DLG2: variants seen among roughly 807,000 people sequenced by gnomAD.
The protein encoded by DLG2 is discs large MAGUK scaffold protein 2.
DLG2 carries 45 observed loss-of-function variants against 132.5 expected under a neutral mutation model. The ratio of observed to expected loss-of-function variants is 0.34; its 90% CI spans 0.27 to 0.44. DLG2 has a LOEUF of 0.44. DLG2 is among the 20% of genes least tolerant of loss of function. The probability of loss-of-function intolerance (pLI) is 1.00; values close to 1 mark genes in which losing one functional copy is unlikely to be tolerated. For missense variants in DLG2, 1,045 were observed against 1,196.9 expected (o/e 0.87, Z 1.87); for synonymous variants, 424 against 419.6 (o/e 1.01, Z -0.13).
intron 6 of DLG2, among the ~76,000 whole-genome samples, chr11:84,583,712 T>TTTTTTCA (rs1366634154): frequency 1.3e-5 from 2 of 152,154 alleles, no homozygotes; most frequent in Non-Finnish European, 2.9e-5. Flanking sequence ...TTAGCACTCC[T>TTTTTTCA]TTTTTCATTG....
chr11:84,867,393 T>C (rs541132862), intron 6 of DLG2, among the ~76,000 whole-genome samples: 6 of 152,300 alleles, frequency 3.9e-5, no homozygotes, highest in Admixed American at 3.9e-4. Flanking sequence ...TGTTTTCGGT[T>C]CCCACTTTGG....
intron 6 of DLG2, among the ~76,000 whole-genome samples, chr11:84,728,180 G>A (rs1193599554): frequency 6.6e-6 from 1 of 152,128 alleles, no homozygotes; most frequent in Non-Finnish European, 1.5e-5. Context: ...TTTTCAAAGG[G>A]AATGCTTCCA....
intron 7 of DLG2, among the ~76,000 whole-genome samples, chr11:84,510,275 A>G (rs888556799): frequency 1.3e-5 from 2 of 152,122 alleles, no homozygotes; most frequent in Admixed American, 6.5e-5. Flanking sequence ...ACTGAGCTAG[A>G]TGATTTTAAA....
chr11:85,398,526 C>A (rs1225654535), intron 3 of DLG2, among the ~76,000 whole-genome samples: 10 of 151,880 alleles, frequency 6.6e-5, no homozygotes, highest in Admixed American at 6.6e-4. Context: ...ATTGATAGAC[C>A]ACTAGCAGGA....
intron 14 of DLG2, among the ~76,000 whole-genome samples, chr11:83,945,031 C>G (rs2083478851): frequency 6.6e-6 from 1 of 152,116 alleles, no homozygotes; most frequent in Non-Finnish European, 1.5e-5. Flanking sequence ...GGAGGGTCCC[C>G]AAATTTCTCA....
chr11:84,998,420 G>A lies in DLG2; in HGVS notation c.357+113241C>T, dbSNP rs543596813. 5.9e-5 allele frequency among the ~76,000 whole-genome samples: 9 copies of A among 152,220 alleles called. No homozygotes were observed. The South Asian group carries it at 1.7e-3, about 28-fold the overall frequency. ...CTTCCACCATGATTCTAAGTTTCCT[G>A]AGGCCTCCAAGACATGCAGAACTGT... On this transcript the variant is annotated intron_variant, in intron 6 of 27. Coordinates refer to ENST00000376104, the MANE Select transcript of DLG2 (RefSeq NM_001142699.3).
At chr11:83,888,631 C>T (rs530434442) in intron 15 of DLG2, among the ~76,000 whole-genome samples, 125 of 152,220 alleles carry the variant, frequency 8.2e-4, no homozygotes, top group African/African-American at 2.9e-3. Context: ...AAAAAGAGCC[C>T]TCATCACCAA....
intron 3 of DLG2, among the ~76,000 whole-genome samples, chr11:85,512,674 TA>T (rs1415942310): frequency 6.6e-6 from 1 of 151,972 alleles, no homozygotes; most frequent in Non-Finnish European, 1.5e-5. Context: ...AACTTTTTAA[TA>T]AAAAGTCAAA....
At chr11:85,090,764 A>AT (rs1249055078) in intron 6 of DLG2, among the ~76,000 whole-genome samples, 1 of 152,192 alleles carries the variant, frequency 6.6e-6, no homozygotes, top group Non-Finnish European at 1.5e-5. Context: ...AGTCATATGA[A>AT]TTTTTTTGTT....
chr11:85,101,185 A>G (rs1366483083), intron 6 of DLG2, among the ~76,000 whole-genome samples: 1 of 152,026 alleles, frequency 6.6e-6, no homozygotes, highest in Non-Finnish European at 1.5e-5. Context: ...GACTGCCAAT[A>G]TAGCAGGCTT....
At chr11:83,886,486 C>T (rs1230798528) in intron 15 of DLG2, among the ~76,000 whole-genome samples, 1 of 152,180 alleles carries the variant, frequency 6.6e-6, no homozygotes, top group Admixed American at 6.5e-5. Flanking sequence ...TAGACTCCCA[C>T]ACAATAATAA....
At chr11:84,072,237 A>G (rs892572557) in intron 10 of DLG2, among the ~76,000 whole-genome samples, 1 of 152,146 alleles carries the variant, frequency 6.6e-6, no homozygotes, top group African/African-American at 2.4e-5. Context: ...TCTGATTGCT[A>G]TTCACTTCCC....
At chr11:84,737,740 C>G (rs1176802197) in intron 6 of DLG2, among the ~76,000 whole-genome samples, 1 of 151,904 alleles carries the variant, frequency 6.6e-6, no homozygotes, top group East Asian at 1.9e-4. Context: ...ACTAGAGAAA[C>G]AGCACTGGAA....
At chr11:84,188,109 T>C (rs903266934) in intron 8 of DLG2, among the ~76,000 whole-genome samples, 2 of 152,136 alleles carry the variant, frequency 1.3e-5, no homozygotes, top group Non-Finnish European at 2.9e-5. Flanking sequence ...AGTGGTCTTA[T>C]GAAAAATAAC....
chr11:84,328,845 T>A (rs1413230282), intron 7 of DLG2, among the ~76,000 whole-genome samples: 2 of 152,228 alleles, frequency 1.3e-5, no homozygotes, highest in Middle Eastern at 3.2e-3. Context: ...ACATTTCCAA[T>A]TCACATTTAA....
In DLG2 at chr11:83,461,989, A is replaced by G. The variant is rs1362631958; in HGVS notation, c.2821+13T>C. On this transcript the variant is annotated intron_variant, in intron 27 of 27. Coordinates refer to ENST00000376104, the MANE Select transcript of DLG2 (RefSeq NM_001142699.3). ...TCCCCTTTCTCACACTACCAGGGTA[A>G]AAGTGAACTTACCTGTAAAATATTC... 1 of 1,561,432 alleles carries G rather than the reference A, an allele frequency of 6.4e-7. No individual in the cohort carries two copies. The highest frequency in any genetic ancestry group is 8.8e-7 in the Non-Finnish European group (1 of 1,132,114).
chr11:84,568,520 A>G (rs1296880956), intron 6 of DLG2, among the ~76,000 whole-genome samples: 2 of 152,132 alleles, frequency 1.3e-5, no homozygotes, highest in African/African-American at 4.8e-5. Flanking sequence ...ATAAATAAAT[A>G]AATAATAAGA....
At chr11:83,928,501 G>GA (rs940235813) in intron 15 of DLG2, among the ~76,000 whole-genome samples, 40 of 151,442 alleles carry the variant, frequency 2.6e-4, no homozygotes, top group African/African-American at 6.3e-4. Flanking sequence ...AGGATAAAAA[G>GA]AAAAAAAATA....
At chr11:83,697,585 G>A (rs905823092) in intron 18 of DLG2, among the ~76,000 whole-genome samples, 9 of 152,170 alleles carry the variant, frequency 5.9e-5, no homozygotes, top group African/African-American at 2.2e-4. Context: ...CGTATAACAA[G>A]CTGATCTGTT....
Sources: allele counts gnomAD v4.1 joint callset (sites outside exome capture counted in the v4.1 genomes callset), GRCh38; gene constraint gnomAD v4.1.1; transcripts MANE v1.5; gene names NCBI Gene and HGNC (gene_info 2026-07-23, HGNC 2026-07-21).